The following EFHC1 variants were observed in gnomAD, a reference collection of about 807,000 sequenced individuals.
The protein encoded by EFHC1 is EF-hand domain containing 1.
In EFHC1, 53 loss-of-function variants were observed where a neutral mutation model predicts 69.9. The ratio of observed to expected loss-of-function variants is 0.76; its 90% confidence interval spans 0.61 to 0.95. EFHC1 has a LOEUF of 0.95. Among genes scored for constraint, EFHC1 ranks in the 40% least tolerant of loss-of-function variants. The pLI, the probability that EFHC1 is intolerant of heterozygous loss-of-function variation, is 0.00. For missense variants in EFHC1, 739 were observed against 798.7 expected (o/e 0.93, Z 0.90); for synonymous variants, 256 against 278.4 (o/e 0.92, Z 0.80).
chr6:52,448,574 C>A (rs570528958), intron 3 of EFHC1, among the ~76,000 whole-genome samples: 8 of 152,304 alleles, frequency 5.3e-5, no homozygotes, highest in African/African-American at 1.9e-4. Context: ...GTCTGACAAA[C>A]CCCAGTGAGA....
chr6:52,479,703 A>G lies in EFHC1; in HGVS notation c.1556A>G (p.Asn519Ser), dbSNP rs527539103. 2.5e-6 allele frequency: 4 copies of G among 1,614,220 alleles called. No homozygotes were observed. Among genetic ancestry groups the G allele is most frequent in the South Asian group, 1.1e-5 (1 of 91,078 alleles). ...TATGTTTTGAAATACATGGAGAGCA[A>G]CGCTGCCCAGTATTCACCAGAAGCA... ...DEYVLKYMES[N>S]AAQYSPEALA... Residue 519 changes from asparagine to serine, a missense_variant, in exon 9 of 11, where the codon AAC (asparagine) becomes AGC (serine). Physicochemically the swap from Asn to Ser is conservative, Grantham distance 46 (BLOSUM62 1). Transcript: ENST00000371068.
intron 7 of EFHC1, among the ~76,000 whole-genome samples, chr6:52,477,299 G>T (rs989447975): frequency 2.0e-5 from 3 of 152,148 alleles, no homozygotes; most frequent in Non-Finnish European, 2.9e-5. Flanking sequence ...ATGAAGGAAT[G>T]ATATGAGAAA....
intron 3 of EFHC1, among the ~76,000 whole-genome samples, chr6:52,449,553 G>T (rs965945886): frequency 3.9e-5 from 6 of 152,086 alleles, no homozygotes; most frequent in Non-Finnish European, 7.3e-5. Context: ...TTCAGTCTTG[G>T]GTGAGTGTAT....
intron 7 of EFHC1, among the ~76,000 whole-genome samples, chr6:52,472,593 G>A (rs1276091691): frequency 6.6e-6 from 1 of 151,770 alleles, no homozygotes; most frequent in Non-Finnish European, 1.5e-5. Context: ...TATTTTAGGT[G>A]TTACATACAA....
intron 3 of EFHC1, among the ~76,000 whole-genome samples, chr6:52,440,398 A>C (rs1398737481): frequency 6.6e-6 from 1 of 152,064 alleles, no homozygotes; most frequent in Non-Finnish European, 1.5e-5. Flanking sequence ...ACTAAATAGC[A>C]CTTCATCACT....
At position 52,454,189 on chromosome 6, in the gene EFHC1, T is replaced by C; in HGVS notation, c.818T>C (p.Val273Ala). Reference sequence around the variant, plus strand: ...CATTACTATCTTATGGATGATACGGTGGAAATTCGAGAGGTCCACGAACGG... The same window carrying C: ...CATTACTATCTTATGGATGATACGGCGGAAATTCGAGAGGTCCACGAACGG... ...IIHYYLMDDT[V>A]EIREVHERND... Residue 273 changes from valine (V) to alanine (A), a missense_variant, in exon 5 of 11, where the codon GTG (valine) becomes GCG (alanine). By Grantham distance (64) the Val-to-Ala change is moderately conservative. Coordinates refer to ENST00000371068, the MANE Select transcript of EFHC1 (RefSeq NM_018100.4). 6.2e-7 allele frequency: 1 copy of C among 1,614,164 alleles called. No homozygotes were observed. Among genetic ancestry groups the C allele is most frequent in the Non-Finnish European group, 8.5e-7 (1 of 1,180,020 alleles).
At chr6:52,466,013 A>G (rs1226193066) in intron 6 of EFHC1, among the ~76,000 whole-genome samples, 1 of 151,924 alleles carries the variant, frequency 6.6e-6, no homozygotes, top group Non-Finnish European at 1.5e-5. Context: ...CTAAAAATGT[A>G]TATGGAAGAA....
At position 52,454,129 on chromosome 6, in the gene EFHC1, A is replaced by C; in HGVS notation, c.758A>C (p.Asp253Ala). The C allele has an allele frequency of 6.2e-7, 1 of 1,613,970 alleles. No individual in the cohort carries two copies. The highest frequency in any genetic ancestry group is 1.7e-4 in the Middle Eastern group (1 of 5,962). The stretch of plus-strand genomic sequence containing the variant: ...TTCTATGCAATCTGGGATGATACAG[A>C]CAGCATGTATGGTGAATGTCGGACC... ...LRFYAIWDDT[D>A]SMYGECRTYI... Residue 253 changes from aspartate (D) to alanine (A), a missense_variant, in exon 5 of 11, where the codon GAC becomes GCC. By Grantham distance (126) the Asp-to-Ala change is moderately radical (BLOSUM62 -2). Transcript: ENST00000371068.
At chr6:52,448,539 C>G (rs1209894009) in intron 3 of EFHC1, among the ~76,000 whole-genome samples, 1 of 152,154 alleles carries the variant, frequency 6.6e-6, no homozygotes, top group Non-Finnish European at 1.5e-5. Context: ...CAATGCCCTG[C>G]CCTGCTCCGT....
intron 6 of EFHC1, among the ~76,000 whole-genome samples, chr6:52,466,257 C>T (rs943079615): frequency 6.6e-6 from 1 of 152,164 alleles, no homozygotes; most frequent in Non-Finnish European, 1.5e-5. Context: ...CCAGCCAGGG[C>T]CCTGCCTTCC....
At chr6:52,459,711 G>A (rs1316660459) in intron 5 of EFHC1, among the ~76,000 whole-genome samples, 3 of 151,248 alleles carry the variant, frequency 2.0e-5, no homozygotes, top group East Asian at 3.9e-4. Context: ...GTCTCGCTTT[G>A]TCGCCCAGGC....
rs763671199 is a variant in EFHC1 at position 52,494,141 on chromosome 6, A to C, written c.*1800A>C. 4 of 454,028 alleles carry C rather than the reference A, an allele frequency of 8.8e-6. No homozygotes were observed. Among genetic ancestry groups the C allele is most frequent in the African/African-American group, 6.0e-5 (3 of 50,076 alleles). 28.1% of individuals were successfully genotyped at this position (454,028 alleles called of 1,614,324 possible). A position where few individuals can be genotyped will look rare whatever the true frequency, so the allele number is the denominator to read the frequency against. On this transcript the variant is annotated 3_prime_UTR_variant, in exon 11 of 11. Coordinates refer to ENST00000371068, the MANE Select transcript of EFHC1 (RefSeq NM_018100.4). Reference sequence around the variant, plus strand: ...TATGGGGCTATGTCTCAATAAACTCACGTAAGTAAAAAATATCACAAGTTG... The same window carrying C: ...TATGGGGCTATGTCTCAATAAACTCCCGTAAGTAAAAAATATCACAAGTTG...
At chr6:52,459,378 C>T (rs1477428743) in intron 5 of EFHC1, among the ~76,000 whole-genome samples, 1 of 152,086 alleles carries the variant, frequency 6.6e-6, no homozygotes, top group Non-Finnish European at 1.5e-5. Context: ...AGGAAAACAA[C>T]CCAAATAAAA....
At chr6:52,485,063 T>C (rs1279150198) in intron 9 of EFHC1, 1 of 152,120 alleles carries the variant, frequency 6.6e-6, no homozygotes, top group South Asian at 2.1e-4. Context: ...TCTCATTTCA[T>C]GGACACATCT....
chr6:52,475,941 A>T (rs1393804129), intron 7 of EFHC1, among the ~76,000 whole-genome samples: 3 of 152,224 alleles, frequency 2.0e-5, no homozygotes, highest in Non-Finnish European at 4.4e-5. Flanking sequence ...GGGCTCATTT[A>T]TATCAGCAGA....
chr6:52,481,183 A>G (rs1019151801), intron 9 of EFHC1, among the ~76,000 whole-genome samples: 2 of 152,124 alleles, frequency 1.3e-5, no homozygotes, highest in Non-Finnish European at 2.9e-5. Context: ...TGGACTTCAG[A>G]TAGATTTTCT....
Position 52,492,413 on chromosome 6 carries a change from A to G in EFHC1, c.*72A>G, listed in dbSNP as rs762956304. 1.4e-6 allele frequency: 2 copies of G among 1,430,240 alleles called. No homozygotes were observed. Among genetic ancestry groups the G allele is most frequent in the African/African-American group, 2.8e-5 (2 of 71,212 alleles). 88.6% of individuals were successfully genotyped at this position (1,430,240 alleles called of 1,614,324 possible). On this transcript the variant is annotated 3_prime_UTR_variant, in exon 11 of 11. Transcript: ENST00000371068. ...CTTTGAAATACACCTTACACTCTTC[A>G]TAGAGGCATTTACAGGGTTCCTGAA...
Position 52,496,225 on chromosome 6 carries a change from C to CACACACACCCACACACACACAG in EFHC1, c.*3885_*3886insCACACACCCACACACACACAGA, listed in dbSNP as rs573419357. 1 of 154,702 alleles carries CACACACACCCACACACACACAG rather than the reference C, an allele frequency of 6.5e-6. No individual in the cohort carries two copies. The highest frequency in any genetic ancestry group is 6.3e-5 in the Admixed American group (1 of 15,894). 9.6% of individuals were successfully genotyped at this position (154,702 alleles called of 1,614,324 possible). A position where few individuals can be genotyped will look rare whatever the true frequency, so the allele number is the denominator to read the frequency against. On this transcript the variant is annotated 3_prime_UTR_variant, in exon 11 of 11. Transcript: ENST00000371068. ...ACACACACCCACACACACACACACA[C>CACACACACCCACACACACACAG]AAAGAGAGAATGAGAATTATTAAGA...
chr6:52,464,088 G>A (rs1765238355), intron 5 of EFHC1, among the ~76,000 whole-genome samples: 1 of 152,206 alleles, frequency 6.6e-6, no homozygotes, highest in Non-Finnish European at 1.5e-5. Context: ...ATAAGATGTG[G>A]CACTCTACTA....
Sources: allele counts gnomAD v4.1 joint callset (sites outside exome capture counted in the v4.1 genomes callset), GRCh38; gene constraint gnomAD v4.1.1; transcripts MANE v1.5; gene names NCBI Gene and HGNC (gene_info 2026-07-23, HGNC 2026-07-21).